R3HDM2: variants seen among roughly 807,000 people sequenced by gnomAD.
The protein encoded by R3HDM2 is R3H domain-containing protein 2.
Under a neutral mutation model 124.5 loss-of-function variants are expected in R3HDM2, and 38 were observed. That is an observed-to-expected ratio of 0.31 (90% CI 0.24 to 0.40). R3HDM2 has a LOEUF of 0.40. R3HDM2 is among the 10% of genes least tolerant of loss of function. The probability of loss-of-function intolerance (pLI) is 1.00; values close to 1 mark genes in which losing one functional copy is unlikely to be tolerated. For missense variants in R3HDM2, 869 were observed against 1,236.9 expected (o/e 0.70, Z 4.46); for synonymous variants, 391 against 448.0 (o/e 0.87, Z 1.61).
intron 1 of R3HDM2, among the ~76,000 whole-genome samples, chr12:57,424,866 G>A (rs182235572): frequency 1.3e-5 from 2 of 152,218 alleles, no homozygotes; most frequent in East Asian, 1.9e-4. Context: ...ACCAAGCCAA[G>A]CCTATACAAT....
intron 2 of R3HDM2, among the ~76,000 whole-genome samples, chr12:57,369,044 A>T (rs1053780235): frequency 2.6e-4 from 39 of 152,212 alleles, no homozygotes; most frequent in Admixed American, 5.9e-4. Flanking sequence ...TAGAAGGATT[A>T]GGCAAATAAG....
chr12:57,317,189 T>C (rs574009343), intron 2 of R3HDM2, among the ~76,000 whole-genome samples: 5 of 49,764 alleles, frequency 1.0e-4, no homozygotes, highest in African/African-American at 2.5e-4. Context: ...GCTTTTTGTG[T>C]TTTTTTTTGT....
At chr12:57,429,121 C>CA (rs1337373370) in intron 1 of R3HDM2, among the ~76,000 whole-genome samples, 5 of 152,132 alleles carry the variant, frequency 3.3e-5, no homozygotes, top group Non-Finnish European at 7.3e-5. Flanking sequence ...AGCAATGGCT[C>CA]ACGCCTGTAA....
chr12:57,268,479 A>G, intron 17 of R3HDM2, 22 bp from the exon 18 acceptor site: 1 of 1,612,936 alleles, frequency 6.2e-7, no homozygotes, highest in Admixed American at 1.7e-5. Flanking sequence ...AGAGAAGAGA[A>G]AGAATCACAT....
At chr12:57,399,064 G>A (rs2067826960) in intron 1 of R3HDM2, among the ~76,000 whole-genome samples, 1 of 152,170 alleles carries the variant, frequency 6.6e-6, no homozygotes, top group African/African-American at 2.4e-5. Context: ...TAACTTCACA[G>A]GAGTGGAAAG....
chr12:57,320,018 C>G (rs2136270689), intron 2 of R3HDM2, among the ~76,000 whole-genome samples: 1 of 152,012 alleles, frequency 6.6e-6, no homozygotes, highest in South Asian at 2.1e-4. Flanking sequence ...GCAATCCCAC[C>G]ACTTTGGGAG....
At chr12:57,363,765 A>G (rs1006528654) in intron 2 of R3HDM2, among the ~76,000 whole-genome samples, 2 of 152,096 alleles carry the variant, frequency 1.3e-5, no homozygotes, top group Non-Finnish European at 2.9e-5. Context: ...CCAGCTACTT[A>G]GGAGGCTGAG....
intron 2 of R3HDM2, among the ~76,000 whole-genome samples, chr12:57,393,273 T>C (rs2067000906): frequency 6.6e-6 from 1 of 152,044 alleles, no homozygotes; most frequent in Non-Finnish European, 1.5e-5. Context: ...CCGGCTAATT[T>C]TGGAATTTTT....
intron 2 of R3HDM2, among the ~76,000 whole-genome samples, chr12:57,337,196 A>G (rs913529865): frequency 1.3e-5 from 2 of 151,988 alleles, no homozygotes; most frequent in African/African-American, 4.8e-5. Flanking sequence ...TCTGTTGCCC[A>G]GGTTGGATGG....
intron 13 of R3HDM2, among the ~76,000 whole-genome samples, chr12:57,282,908 G>A (rs2046508787): frequency 6.6e-6 from 1 of 152,170 alleles, no homozygotes; most frequent in South Asian, 2.1e-4. Context: ...CTCTTCAAAG[G>A]GAGGAGGACG....
chr12:57,346,233 G>C (rs1052525460), intron 2 of R3HDM2, among the ~76,000 whole-genome samples: 5 of 151,276 alleles, frequency 3.3e-5, no homozygotes, highest in African/African-American at 1.2e-4. Flanking sequence ...GAAGCGAGTG[G>C]ATCACCTGAG....
chr12:57,272,363 T>C, intron 14 of R3HDM2: 2 of 1,109,852 alleles, frequency 1.8e-6, no homozygotes. Flanking sequence ...AAGCACAACA[T>C]GCTTACAAGG....
At chr12:57,396,006 A>C (rs1038769473) in intron 1 of R3HDM2, among the ~76,000 whole-genome samples, 188 bp from the exon 2 acceptor site, 1 of 151,886 alleles carries the variant, frequency 6.6e-6, no homozygotes, top group Non-Finnish European at 1.5e-5. Context: ...GTCAATTTAC[A>C]ATTAAAAAAA....
chr12:57,327,431 C>T (rs1384237071), intron 2 of R3HDM2, among the ~76,000 whole-genome samples: 1 of 146,368 alleles, frequency 6.8e-6, no homozygotes, highest in African/African-American at 2.5e-5. Context: ...CGCGCCATTG[C>T]ACTCCAGCCT....
chr12:57,374,415 CG>C (rs1242289854), intron 2 of R3HDM2, among the ~76,000 whole-genome samples: 1 of 151,830 alleles, frequency 6.6e-6, no homozygotes, highest in East Asian at 2.0e-4. Flanking sequence ...CCAGGCCGGG[CG>C]TGGTGGCTCA....
At chr12:57,411,563 T>G (rs1566507470) in intron 1 of R3HDM2, among the ~76,000 whole-genome samples, 1 of 152,254 alleles carries the variant, frequency 6.6e-6, no homozygotes, top group Non-Finnish European at 1.5e-5. Context: ...TGCAGATACA[T>G]TTAATGGGTT....
At chr12:57,336,689 G>A (rs1296747602) in intron 2 of R3HDM2, among the ~76,000 whole-genome samples, 1 of 151,966 alleles carries the variant, frequency 6.6e-6, no homozygotes, top group Non-Finnish European at 1.5e-5. Flanking sequence ...AGGAGGGAGA[G>A]GACCAGAAAA....
At chr12:57,369,357 T>G (rs1213060897) in intron 2 of R3HDM2, among the ~76,000 whole-genome samples, 1 of 152,208 alleles carries the variant, frequency 6.6e-6, no homozygotes, top group Non-Finnish European at 1.5e-5. Flanking sequence ...AGACTTTCAT[T>G]GTAAACTGAT....
rs528911253 is a variant in R3HDM2, at chr12:57,403,492, C to A, written c.-105-7674G>T. On this transcript the variant is annotated intron_variant, in intron 1 of 23. Transcript: ENST00000402412. Reference sequence around the variant, plus strand: ...GGGTGACAAGAGCGAAACTCAGTCTCAAAAAAAAATAAAAAATAAAAAAGA... The same window carrying A: ...GGGTGACAAGAGCGAAACTCAGTCTAAAAAAAAAATAAAAAATAAAAAAGA... Among the ~76,000 whole-genome samples, 290 of 142,204 alleles carry A rather than the reference C, an allele frequency of 2.0e-3. 1 individual carries two copies. Among genetic ancestry groups the A allele is most frequent in the African/African-American group, 7.3e-3 (280 of 38,386 alleles). 93.3% of individuals were successfully genotyped at this position (142,204 alleles called of 152,430 possible). A position where few individuals can be genotyped will look rare whatever the true frequency, so the allele number is the denominator to read the frequency against.
Sources: allele counts gnomAD v4.1 joint callset (sites outside exome capture counted in the v4.1 genomes callset), GRCh38; gene constraint gnomAD v4.1.1; transcripts MANE v1.5; gene names NCBI Gene and HGNC (gene_info 2026-07-23, HGNC 2026-07-21).